The following PTPRN2 variants were observed in gnomAD, a reference collection of about 807,000 sequenced individuals.
PTPRN2 encodes protein tyrosine phosphatase receptor type N2, also known as receptor-type tyrosine-protein phosphatase N2.
PTPRN2 carries 74 observed loss-of-function variants against 118.8 expected under a neutral mutation model. The observed-to-expected ratio is 0.62, with a 90% CI of 0.52 to 0.76. The LOEUF (loss-of-function observed/expected upper bound fraction) is 0.76. PTPRN2 is among the 30% of genes least tolerant of loss of function. The pLI is 0.00. For missense variants in PTPRN2, 1,481 were observed against 1,394.4 expected (o/e 1.06, Z -0.99); for synonymous variants, 641 against 608.0 (o/e 1.05, Z -0.80).
At chr7:158,290,937 T>C (rs1800083988) in intron 3 of PTPRN2, among the ~76,000 whole-genome samples, 1 of 152,230 alleles carries the variant, frequency 6.6e-6, no homozygotes, top group African/African-American at 2.4e-5. Flanking sequence ...TATGTGACTC[T>C]CTTTAAAATA....
At chr7:158,062,832 G>A (rs569263282) in intron 11 of PTPRN2, among the ~76,000 whole-genome samples, 3 of 152,332 alleles carry the variant, frequency 2.0e-5, no homozygotes, top group African/African-American at 7.2e-5. Flanking sequence ...GGGATCTGCA[G>A]CCCACCATGC....
intron 1 of PTPRN2, among the ~76,000 whole-genome samples, chr7:158,498,914 A>C (rs1214287708): frequency 6.6e-6 from 1 of 152,234 alleles, no homozygotes; most frequent in Admixed American, 6.5e-5. Flanking sequence ...AGGATTGCTG[A>C]GACATGGCAC....
intron 11 of PTPRN2, among the ~76,000 whole-genome samples, chr7:157,976,254 G>A (rs1246175855): frequency 6.6e-6 from 1 of 152,196 alleles, no homozygotes; most frequent in Admixed American, 6.5e-5. Context: ...GGTGCTCGGC[G>A]ATTCCCAGGA....
intron 2 of PTPRN2, among the ~76,000 whole-genome samples, chr7:158,408,808 A>G (rs1655483667): frequency 6.6e-6 from 1 of 152,172 alleles, no homozygotes; most frequent in African/African-American, 2.4e-5. Flanking sequence ...TATGCTTGAG[A>G]TAAAACGCTG....
chr7:157,780,934 G>C lies in PTPRN2; in HGVS notation c.1789-97997C>G, dbSNP rs986009311. 1.3e-5 allele frequency among the ~76,000 whole-genome samples: 2 copies of C among 152,112 alleles called. No homozygotes were observed. The highest frequency in any genetic ancestry group is 2.9e-5 in the Non-Finnish European group (2 of 68,008). On this transcript the variant is annotated intron_variant, in intron 12 of 22. Transcript: ENST00000389418. This position sits in a 1 kb window ranked among gnomAD's most constrained non-coding sequence, Gnocchi z 4.5. ...CTGAACTCTCACCACCCCCACCGAG[G>C]CAGTGGGCAGCCCCTGAGCCAGGCA...
Position 158,138,518 on chromosome 7 carries a change from A to G in PTPRN2, c.911-3T>C, listed in dbSNP as rs1225243422. On this transcript the variant is annotated splice_polypyrimidine_tract_variant and splice_region_variant and intron_variant, in intron 6 of 22. Coordinates refer to ENST00000389418, the MANE Select transcript of PTPRN2 (RefSeq NM_002847.5). The stretch of plus-strand genomic sequence containing the variant: ...CAGGAGGGTATGAATCCGTGCTCCT[A>G]GGGGCACACACACAAACACAAGGAC... 6.2e-7 allele frequency: 1 copy of G among 1,609,386 alleles called. No homozygotes were observed. Among genetic ancestry groups the G allele is most frequent in the Non-Finnish European group, 8.5e-7 (1 of 1,179,348 alleles).
intron 12 of PTPRN2, among the ~76,000 whole-genome samples, chr7:157,772,802 CT>C (rs1431530318): frequency 6.6e-6 from 1 of 152,264 alleles, no homozygotes; most frequent in Non-Finnish European, 1.5e-5. Flanking sequence ...GCTTTTGCAT[CT>C]TCTTTCTTCT....
rs1185771672 is a variant in PTPRN2, at chr7:157,785,390, C to A, written c.1789-102453G>T. 1.3e-5 allele frequency among the ~76,000 whole-genome samples: 2 copies of A among 152,162 alleles called. No individual in the cohort carries two copies. The highest frequency in any genetic ancestry group is 2.9e-5 in the Non-Finnish European group (2 of 68,028). On this transcript the variant is annotated intron_variant, in intron 12 of 22. Transcript: ENST00000389418. The surrounding 1 kb of genome is among the most constrained non-coding windows in gnomAD (Gnocchi z 7.3). ...CCACGGTGCTCCAAAACGAAATCGC[C>A]CCCGAGGATGAAAGGGGGTGGTGGA...
rs189255887 is a variant in PTPRN2, at chr7:158,555,846, G to C, written c.112+31712C>G. Among the ~76,000 whole-genome samples the C allele has an allele frequency of 6.6e-6, 1 of 151,678 alleles. No homozygotes were observed. Among genetic ancestry groups the C allele is most frequent in the Middle Eastern group, 3.2e-3 (1 of 314 alleles). On this transcript the variant is annotated intron_variant, in intron 1 of 22. Coordinates refer to ENST00000389418, the MANE Select transcript of PTPRN2 (RefSeq NM_002847.5). The surrounding 1 kb of genome is among the most constrained non-coding windows in gnomAD (Gnocchi z 4.7). ...GATGATGAAGACACATCCTATCTTC[G>C]AGGACCCAGCTCGCAGAGAACAAAA... is the stretch of plus-strand genomic sequence containing the variant.
At chr7:158,340,701 G>A (rs1260324531) in intron 2 of PTPRN2, among the ~76,000 whole-genome samples, 1 of 81,502 alleles carries the variant, frequency 1.2e-5, no homozygotes, top group African/African-American at 4.7e-5. Context: ...GGTGAAACCT[G>A]CAGACGTCAC....
chr7:158,536,077 A>G (rs1268284412), intron 1 of PTPRN2, among the ~76,000 whole-genome samples: 1 of 151,874 alleles, frequency 6.6e-6, no homozygotes, highest in Non-Finnish European at 1.5e-5. Context: ...CATACCTTCC[A>G]TTTAGTTTTG....
chr7:158,393,435 C>A (rs1812095059), intron 2 of PTPRN2, among the ~76,000 whole-genome samples: 1 of 152,178 alleles, frequency 6.6e-6, no homozygotes, highest in South Asian at 2.1e-4. Flanking sequence ...CCCCGGGCAA[C>A]TTCAGCCTCC....
intron 2 of PTPRN2, among the ~76,000 whole-genome samples, chr7:158,322,588 C>CA (rs1408316582): frequency 5.3e-5 from 8 of 151,346 alleles, no homozygotes; most frequent in African/African-American, 2.0e-4. Context: ...CAGTGGGCAA[C>CA]GGGGAGGGAG....
At chr7:158,228,444 T>C (rs1828954884) in intron 3 of PTPRN2, among the ~76,000 whole-genome samples, 1 of 152,098 alleles carries the variant, frequency 6.6e-6, no homozygotes, top group Non-Finnish European at 1.5e-5. Context: ...TTTCTCCAGA[T>C]ACATTTCATA....
intron 11 of PTPRN2, among the ~76,000 whole-genome samples, chr7:158,049,092 A>G (rs1411996529): frequency 6.6e-6 from 1 of 152,166 alleles, no homozygotes; most frequent in Non-Finnish European, 1.5e-5. Context: ...CATCAGCATC[A>G]CTATCATTAC....
At chr7:157,973,433 T>G (rs1348219578) in intron 11 of PTPRN2, among the ~76,000 whole-genome samples, 11 of 152,244 alleles carry the variant, frequency 7.2e-5, no homozygotes, top group Admixed American at 7.2e-4. Flanking sequence ...ATCCACAGAC[T>G]TCTTATGTCA....
At chr7:158,331,324 C>T (rs1164324975) in intron 2 of PTPRN2, among the ~76,000 whole-genome samples, 1 of 133,722 alleles carries the variant, frequency 7.5e-6, no homozygotes, top group Non-Finnish European at 1.6e-5. Flanking sequence ...GAGCTGAGGC[C>T]CACAGAGGTC....
At chr7:157,805,045 A>G (rs1390160249) in intron 12 of PTPRN2, among the ~76,000 whole-genome samples, 1 of 152,170 alleles carries the variant, frequency 6.6e-6, no homozygotes, top group Non-Finnish European at 1.5e-5. Flanking sequence ...CACTAGACTC[A>G]GTCCTCTCTC....
rs1276073010 is a variant in PTPRN2 at position 157,813,432 on chromosome 7, C to T, written c.1788+85241G>A. ...AGGGGTTCGATACGCCATTCAGGTC[C>T]CCAAAACAGCATGTGCAGCTCTCGT... On this transcript the variant is annotated intron_variant, in intron 12 of 22. Transcript: ENST00000389418. This position sits in a 1 kb window ranked among gnomAD's most constrained non-coding sequence, Gnocchi z 4.7. Among the ~76,000 whole-genome samples the T allele has an allele frequency of 6.6e-6, 1 of 152,098 alleles. No homozygotes were observed. The highest frequency in any genetic ancestry group is 1.5e-5 in the Non-Finnish European group (1 of 68,036).
Sources: allele counts gnomAD v4.1 joint callset (sites outside exome capture counted in the v4.1 genomes callset), GRCh38; gene constraint gnomAD v4.1.1; non-coding constraint Gnocchi (gnomAD v3.1); transcripts MANE v1.5; gene names NCBI Gene and HGNC (gene_info 2026-07-23, HGNC 2026-07-21).